The following PDE10A variants were observed in gnomAD, a reference collection of about 807,000 sequenced individuals.
PDE10A encodes the protein cAMP and cAMP-inhibited cGMP 3',5'-cyclic phosphodiesterase 10A.
PDE10A carries 39 observed loss-of-function variants against 97.7 expected under a neutral mutation model. The observed-to-expected ratio is 0.40, with a 90% CI of 0.31 to 0.52. PDE10A has a LOEUF of 0.52. Among genes scored for constraint, PDE10A ranks in the 20% least tolerant of loss-of-function variants. PDE10A has a pLI of 0.56. For missense variants in PDE10A, 731 were observed against 1,047.8 expected, an observed-to-expected ratio of 0.70 and a Z score of 4.17; for synonymous variants, 371 against 376.8, an observed-to-expected ratio of 0.98 and a Z score of 0.18.
intron 1 of PDE10A, among the ~76,000 whole-genome samples, chr6:165,923,948 A>G (rs1583290246): frequency 6.6e-6 from 1 of 152,232 alleles, no homozygotes; most frequent in African/African-American, 2.4e-5. Context: ...TGGGAAACAA[A>G]GGCAGGAGGA....
chr6:165,558,640 C>T (rs1775060061), intron 1 of PDE10A, among the ~76,000 whole-genome samples: 1 of 152,080 alleles, frequency 6.6e-6, no homozygotes, highest in African/African-American at 2.4e-5. Flanking sequence ...TAGACTTCCT[C>T]TATAAAAGGA....
chr6:165,878,522 A>T (rs1781401431), intron 1 of PDE10A, among the ~76,000 whole-genome samples: 1 of 152,230 alleles, frequency 6.6e-6, no homozygotes, highest in Non-Finnish European at 1.5e-5. Flanking sequence ...GATGATAAGG[A>T]CAAGAAATGT....
At chr6:165,849,689 G>T (rs769917337) in intron 1 of PDE10A, among the ~76,000 whole-genome samples, 1 of 152,234 alleles carries the variant, frequency 6.6e-6, no homozygotes, top group Non-Finnish European at 1.5e-5. Flanking sequence ...GAGGCTGTGA[G>T]AGCCGGGGGC....
intron 1 of PDE10A, among the ~76,000 whole-genome samples, chr6:165,731,775 C>A (rs1419950620): frequency 6.6e-6 from 1 of 152,052 alleles, no homozygotes; most frequent in Non-Finnish European, 1.5e-5. Context: ...TAGTGACTGT[C>A]CTCATATTAA....
intron 1 of PDE10A, among the ~76,000 whole-genome samples, chr6:165,722,260 GA>G (rs1251590306): frequency 6.6e-6 from 1 of 152,210 alleles, no homozygotes; most frequent in African/African-American, 2.4e-5. Context: ...GTGGAGCACA[GA>G]AGGCAGCCTC....
At chr6:165,834,750 C>T (rs1780023647) in intron 1 of PDE10A, among the ~76,000 whole-genome samples, 1 of 152,200 alleles carries the variant, frequency 6.6e-6, no homozygotes. Flanking sequence ...CAGAGACTCA[C>T]ATCTAGACAG....
At position 165,661,926 on chromosome 6, in the gene PDE10A, A is replaced by G; in HGVS notation, c.865+21T>C. ...ATGAGGAGCCGCCCCACCTCCGGGG[A>G]ACGGGGAGCAGGCCACTTACTGGGG... is the stretch of plus-strand genomic sequence containing the variant. On this transcript the variant is annotated intron_variant, in intron 1 of 21. Transcript: ENST00000539869. This position sits in a 1 kb window ranked among gnomAD's most constrained non-coding sequence, Gnocchi z 4.8. 1.1e-6 allele frequency: 1 copy of G among 876,680 alleles called. No individual in the cohort carries two copies. The highest frequency in any genetic ancestry group is 1.9e-6 in the Non-Finnish European group (1 of 539,652). The allele number at this position is 876,680 out of a possible 1,614,324, so 54.3% of individuals were successfully genotyped here. A position where few individuals can be genotyped will look rare whatever the true frequency, so the allele number is the denominator to read the frequency against.
chr6:165,424,487 C>T (rs1017362481), intron 10 of PDE10A, among the ~76,000 whole-genome samples: 4 of 143,812 alleles, frequency 2.8e-5, no homozygotes, highest in Non-Finnish European at 6.3e-5. Context: ...AATCAGAGAT[C>T]TACCCCAATA....
At chr6:165,816,233 G>A (rs1303142376) in intron 1 of PDE10A, among the ~76,000 whole-genome samples, 1 of 152,190 alleles carries the variant, frequency 6.6e-6, no homozygotes, top group Admixed American at 6.5e-5. Flanking sequence ...ACAGGCGTGA[G>A]CCACTGCGCC....
intron 1 of PDE10A, among the ~76,000 whole-genome samples, chr6:165,563,977 C>T (rs183697818): frequency 6.6e-6 from 1 of 150,496 alleles, no homozygotes; most frequent in African/African-American, 2.4e-5. Context: ...CCTCCTCAGT[C>T]AGTCACCCCC....
At chr6:165,674,480 A>C (rs199794556) in intron 1 of PDE10A, among the ~76,000 whole-genome samples, 1 of 152,122 alleles carries the variant, frequency 6.6e-6, no homozygotes, top group Admixed American at 6.5e-5. Flanking sequence ...GGCTGTGGGG[A>C]TTCAGATTGA....
At chr6:165,457,555 T>C (rs1336792881) in intron 3 of PDE10A, among the ~76,000 whole-genome samples, 1 of 152,152 alleles carries the variant, frequency 6.6e-6, no homozygotes, top group Non-Finnish European at 1.5e-5. Context: ...GCTATATGTA[T>C]ATATATGTAT....
intron 1 of PDE10A, among the ~76,000 whole-genome samples, chr6:165,611,458 GTGGATACAAGCA>G (rs1787490978): frequency 6.6e-6 from 1 of 152,240 alleles, no homozygotes; most frequent in Non-Finnish European, 1.5e-5. Flanking sequence ...ACCTCAATGA[GTGGATACAAGCA>G]TGTACCAGGG....
chr6:165,456,859 A>G (rs1015131167), intron 3 of PDE10A, among the ~76,000 whole-genome samples: 1 of 152,198 alleles, frequency 6.6e-6, no homozygotes, highest in African/African-American at 2.4e-5. Flanking sequence ...AAATGTTTTT[A>G]CTATAATTTC....
At chr6:165,593,421 T>C (rs569563155) in intron 1 of PDE10A, among the ~76,000 whole-genome samples, 2 of 152,198 alleles carry the variant, frequency 1.3e-5, no homozygotes, top group Admixed American at 6.5e-5. Context: ...GTTCTGCACA[T>C]GTATCCCAGA....
chr6:165,372,076 C>A (rs569463750), intron 18 of PDE10A, among the ~76,000 whole-genome samples: 37 of 150,442 alleles, frequency 2.5e-4, no homozygotes, highest in Non-Finnish European at 5.3e-4. Context: ...TAGGACGTAT[C>A]TCAAAATAAT....
chr6:165,439,201 T>C (rs1354830954), intron 5 of PDE10A, among the ~76,000 whole-genome samples: 1 of 152,124 alleles, frequency 6.6e-6, no homozygotes, highest in Non-Finnish European at 1.5e-5. Context: ...ACACCAGACA[T>C]TATTTTAAGA....
intron 1 of PDE10A, among the ~76,000 whole-genome samples, chr6:165,735,469 G>A (rs1792552751): frequency 6.6e-6 from 1 of 152,052 alleles, no homozygotes; most frequent in African/African-American, 2.4e-5. Context: ...TAGGTGGGTA[G>A]GTAAGTAGGA....
At chr6:165,743,947 G>A (rs1043397598) in intron 1 of PDE10A, among the ~76,000 whole-genome samples, 1 of 152,168 alleles carries the variant, frequency 6.6e-6, no homozygotes, top group African/African-American at 2.4e-5. Context: ...GTGTTTATCC[G>A]CACACAGGCC....
Sources: gnomAD v4.1 joint callset for allele counts (sites outside exome capture counted in the v4.1 genomes callset) on GRCh38, gnomAD v4.1.1 for gene constraint, Gnocchi (gnomAD v3.1) non-coding constraint, MANE v1.5 for transcripts, NCBI Gene and HGNC (gene_info 2026-07-23, HGNC 2026-07-21) for gene names.